SERINC5: variants seen among roughly 807,000 people sequenced by gnomAD.
The protein encoded by SERINC5 is serine incorporator 5.
In SERINC5, 41 loss-of-function variants were observed where a neutral mutation model predicts 63.1. The ratio of observed to expected loss-of-function variants is 0.65; its 90% CI spans 0.51 to 0.84. SERINC5 has a LOEUF of 0.84. SERINC5 is among the 40% of genes least tolerant of loss of function. The pLI, the probability that SERINC5 is intolerant of heterozygous loss-of-function variation, is 0.00. For synonymous variants in SERINC5, 222 were observed against 215.2 expected (o/e 1.03, Z -0.28); for missense variants, 523 against 573.0 (o/e 0.91, Z 0.89).
rs138610149 is a variant in SERINC5, at chr5:80,149,872, G to A, written c.1053+1010C>T. Among the ~76,000 whole-genome samples, 328 of 152,256 alleles carry A rather than the reference G, an allele frequency of 2.2e-3. 2 individuals are homozygous for A. Among genetic ancestry groups the A allele is most frequent in the African/African-American group, 7.5e-3 (312 of 41,544 alleles). ...TGGGTCACAGCTGAGTCCTTCCCTG[G>A]CTGCCTCCATCTGATTAGACCTTGC... On this transcript the variant is annotated intron_variant, in intron 9 of 11. Transcript: ENST00000507668.
At chr5:80,206,859 G>C (rs1750193567) in intron 1 of SERINC5, among the ~76,000 whole-genome samples, 1 of 133,230 alleles carries the variant, frequency 7.5e-6, no homozygotes, top group Non-Finnish European at 1.5e-5. Flanking sequence ...GTGTTACACA[G>C]ACTGGCCTCA....
At chr5:80,151,775 TG>T (rs1365617610) in intron 8 of SERINC5, among the ~76,000 whole-genome samples, 1 of 152,206 alleles carries the variant, frequency 6.6e-6, no homozygotes, top group Non-Finnish European at 1.5e-5. Flanking sequence ...TTCTAAGCAC[TG>T]GGGACTCAGT....
chr5:80,137,139 C>CAAAAAAAAAAAAAAAAAAAAAAA (rs869035894), downstream of SERINC5, among the ~76,000 whole-genome samples: 2 of 67,740 alleles, frequency 3.0e-5, no homozygotes, highest in African/African-American at 4.8e-5. Flanking sequence ...GACCCTGTCT[C>CAAAAAAAAAAAAAAAAAAAAAAA]AAAAAAAAAA....
Position 80,143,575 on chromosome 5 carries a change from G to T in SERINC5, c.*88C>A, listed in dbSNP as rs998191338. ...CTTTTTCAGACCCACTCAGGCACAG[G>T]GCGCCAGTCCCTGCCCCGGGGACAC... is the stretch of plus-strand genomic sequence containing the variant. On this transcript the variant is annotated 3_prime_UTR_variant, in exon 12 of 12. Coordinates refer to ENST00000507668, the MANE Select transcript of SERINC5 (RefSeq NM_001174072.3). 3.3e-5 allele frequency: 47 copies of T among 1,436,402 alleles called. No homozygotes were observed. Among genetic ancestry groups the T allele is most frequent in the Non-Finnish European group, 3.7e-5 (40 of 1,093,222 alleles). The allele number at this position is 1,436,402 out of a possible 1,614,324, so 89.0% of individuals were successfully genotyped here.
At chr5:80,236,565 G>A (rs1256352211) in intron 1 of SERINC5, among the ~76,000 whole-genome samples, 2 of 141,220 alleles carry the variant, frequency 1.4e-5, no homozygotes, top group Non-Finnish European at 3.0e-5. Context: ...TTCTCGCTCT[G>A]TTGTCCAGGC....
At chr5:80,163,370 T>C (rs751057858) in intron 7 of SERINC5, among the ~76,000 whole-genome samples, 33 of 152,312 alleles carry the variant, frequency 2.2e-4, no homozygotes, top group Non-Finnish European at 3.8e-4. Context: ...TCCAGTACTA[T>C]GGTGAATAGG....
chr5:80,242,080 G>A (rs1306678471), intron 1 of SERINC5, among the ~76,000 whole-genome samples: 2 of 152,016 alleles, frequency 1.3e-5, no homozygotes, highest in African/African-American at 2.4e-5. Context: ...ATAGTGAGCT[G>A]TGAACGTATC....
intron 8 of SERINC5, among the ~76,000 whole-genome samples, chr5:80,155,575 A>AAAAAAAAAAG (rs1481342304): frequency 2.0e-5 from 3 of 150,778 alleles, no homozygotes; most frequent in Non-Finnish European, 4.4e-5. Flanking sequence ...TCCGTCTCAA[A>AAAAAAAAAAG]AAAAAAAAGG....
At position 80,185,839 on chromosome 5, in the gene SERINC5, CG is replaced by C. The variant is rs577356676; in HGVS notation, c.196-7776del. Among the ~76,000 whole-genome samples the C allele has an allele frequency of 3.4e-3, 520 of 152,070 alleles. 7 individuals are homozygous for C. The highest frequency in any genetic ancestry group is 3.5e-3 in the Non-Finnish European group (237 of 67,990). ...TGTGGTGGAATGTCATCAGTTAAGG[CG>C]GGGCAGGGCACATTCACTTCTTTTG... is the stretch of plus-strand genomic sequence containing the variant. On this transcript the variant is annotated intron_variant, in intron 2 of 11. Transcript: ENST00000507668.
chr5:80,229,383 C>G (rs1423832472), intron 1 of SERINC5, among the ~76,000 whole-genome samples: 1 of 137,610 alleles, frequency 7.3e-6, no homozygotes, highest in Non-Finnish European at 1.5e-5. Flanking sequence ...ATCTCAGAAT[C>G]CTCTTTTCAG....
chr5:80,123,044 G>A (rs2112237917), intron 11 of SERINC5, among the ~76,000 whole-genome samples: 1 of 152,300 alleles, frequency 6.6e-6, no homozygotes, highest in African/African-American at 2.4e-5. Flanking sequence ...TAAATTTGTG[G>A]TGATTTGTCA....
chr5:80,173,674 C>T (rs963409870), intron 5 of SERINC5, among the ~76,000 whole-genome samples: 96 of 152,172 alleles, frequency 6.3e-4, no homozygotes, highest in African/African-American at 2.2e-3. Flanking sequence ...CCCTCCCCCA[C>T]CCACCTCCAC....
chr5:80,252,126 A>C, intron 1 of SERINC5, among the ~76,000 whole-genome samples: 1 of 146,076 alleles, frequency 6.8e-6, no homozygotes, highest in East Asian at 2.0e-4. Context: ...GCAGTGCTCA[A>C]TATCAGCTCA....
intron 8 of SERINC5, among the ~76,000 whole-genome samples, chr5:80,152,803 T>C (rs1746270683): frequency 6.6e-6 from 1 of 151,990 alleles, no homozygotes; most frequent in Non-Finnish European, 1.5e-5. Context: ...TAGCCAGGTG[T>C]GGTGGCCGGC....
At chr5:80,245,540 C>A (rs1445603255) in intron 1 of SERINC5, among the ~76,000 whole-genome samples, 2 of 152,168 alleles carry the variant, frequency 1.3e-5, no homozygotes, top group East Asian at 3.9e-4. Context: ...CAAGTCACTC[C>A]CAAGCACAAG....
chr5:80,189,584 C>T (rs1156400135), intron 2 of SERINC5, among the ~76,000 whole-genome samples: 1 of 152,208 alleles, frequency 6.6e-6, no homozygotes, highest in South Asian at 2.1e-4. Flanking sequence ...ATCTCTTGAA[C>T]ATAGAAATGT....
intron 1 of SERINC5, among the ~76,000 whole-genome samples, chr5:80,241,398 G>A (rs1561451057): frequency 6.6e-6 from 1 of 152,178 alleles, no homozygotes; most frequent in Non-Finnish European, 1.5e-5. Flanking sequence ...GAACCCAGGA[G>A]TCGGAGGTTG....
chr5:80,253,950 T>C (rs907999046), intron 1 of SERINC5, among the ~76,000 whole-genome samples: 6 of 152,002 alleles, frequency 3.9e-5, no homozygotes, highest in African/African-American at 1.5e-4. Flanking sequence ...TGAGATGGAG[T>C]TTTGCTCTTT....
intron 2 of SERINC5, among the ~76,000 whole-genome samples, chr5:80,196,219 A>G (rs970813337): frequency 6.7e-6 from 1 of 149,110 alleles, no homozygotes; most frequent in African/African-American, 2.6e-5. Flanking sequence ...TATGGGGATG[A>G]TCAAAGCCAG....
Sources: gnomAD v4.1 joint callset for allele counts (sites outside exome capture counted in the v4.1 genomes callset) on GRCh38, gnomAD v4.1.1 for gene constraint, MANE v1.5 for transcripts, NCBI Gene and HGNC (gene_info 2026-07-23, HGNC 2026-07-21) for gene names.